MYO1F: variants seen among roughly 807,000 people sequenced by gnomAD.
The protein encoded by MYO1F is myosin IF, also known as unconventional myosin-If.
A neutral mutation model predicts 146.6 loss-of-function variants in MYO1F; 60 were observed. The ratio of observed to expected loss-of-function variants is 0.41; its 90% CI spans 0.33 to 0.51. MYO1F has a LOEUF of 0.51. Among genes scored for constraint, MYO1F ranks in the 20% least tolerant of loss-of-function variants. The pLI, the probability that MYO1F is intolerant of heterozygous loss-of-function variation, is 0.25. For synonymous variants in MYO1F, 602 were observed against 602.1 expected, an observed-to-expected ratio of 1.00 and a Z score of 0.00; for missense variants, 1,274 against 1,534.3, an observed-to-expected ratio of 0.83 and a Z score of 2.83.
At chr19:8,555,942 G>A (rs1973834745) in intron 1 of MYO1F, 146 bp from the exon 2 acceptor site, 1 of 821,176 alleles carries the variant, frequency 1.2e-6, no homozygotes, top group Non-Finnish European at 1.9e-6. Context: ...GGCTGGCAGG[G>A]TCCAAGCCAG....
In MYO1F at chr19:8,554,563, A is replaced by G; in HGVS notation, c.240T>C (p.Tyr80=). The G allele has an allele frequency of 3.7e-6, 6 of 1,610,672 alleles. No homozygotes were observed. Among genetic ancestry groups the G allele is most frequent in the Non-Finnish European group, 5.1e-6 (6 of 1,176,970 alleles). Residue 80 remains tyrosine (Y), a synonymous_variant, in exon 4 of 28, where the codon TAT becomes TAC. Coordinates refer to ENST00000644032, the MANE Select transcript of MYO1F (RefSeq NM_012335.4). The stretch of plus-strand genomic sequence containing the variant: ...GGGCGTAGATGTGCGGGGGATTCTC[A>G]TACTGGGCCTGGCAGGGGAGGTCAG... ...EIDLYQGAAQ[Y]ENPPHIYALT...
intron 14 of MYO1F, among the ~76,000 whole-genome samples, chr19:8,542,516 T>G (rs796835817): frequency 2.6e-5 from 4 of 151,914 alleles, no homozygotes; most frequent in African/African-American, 9.7e-5. Flanking sequence ...TACCAAAGGT[T>G]AGGGCCCTCT....
At chr19:8,523,851 T>C (rs1972157520) in intron 25 of MYO1F, among the ~76,000 whole-genome samples, 1 of 152,116 alleles carries the variant, frequency 6.6e-6, no homozygotes, top group African/African-American at 2.4e-5. Context: ...CTAGGCGCGG[T>C]GGCTCACGCC....
intron 14 of MYO1F, among the ~76,000 whole-genome samples, chr19:8,542,816 G>A (rs1199488201): frequency 6.6e-6 from 1 of 151,074 alleles, no homozygotes; most frequent in Non-Finnish European, 1.5e-5. Flanking sequence ...TGTTAGCCAG[G>A]ATGGTCTCGA....
At chr19:8,555,549 G>A in intron 2 of MYO1F, 110 bp downstream of exon 2, 1 of 1,471,180 alleles carries the variant, frequency 6.8e-7, no homozygotes, top group Non-Finnish European at 9.4e-7. Flanking sequence ...GTCACCACTT[G>A]GTGCTCTCCC....
intron 1 of MYO1F, among the ~76,000 whole-genome samples, chr19:8,572,035 G>C (rs1226271345): frequency 1.3e-5 from 2 of 152,116 alleles, no homozygotes; most frequent in Non-Finnish European, 2.9e-5. Context: ...TATACGTGGG[G>C]ACCCTTGTCT....
At chr19:8,546,214 G>A (rs1973350214) in intron 12 of MYO1F, among the ~76,000 whole-genome samples, 1 of 151,600 alleles carries the variant, frequency 6.6e-6, no homozygotes, top group Non-Finnish European at 1.5e-5. Flanking sequence ...ACAGGTATGT[G>A]CCACCACGCC....
Position 8,573,823 on chromosome 19 carries a change from C to T in MYO1F, c.3+3484G>A, listed in dbSNP as rs961439368. Among the ~76,000 whole-genome samples, 15 of 151,960 alleles carry T rather than the reference C, an allele frequency of 9.9e-5. No individual in the cohort carries two copies. The East Asian group carries it at 1.9e-3, about 20-fold the overall frequency. On this transcript the variant is annotated intron_variant, in intron 1 of 27. Transcript: ENST00000644032. Reference sequence around the variant, plus strand: ...CGAGATTGCACCACTGCACTCCAGCCGGGGTGACAGAGCGAGACTCTGTCT... The same window carrying T: ...CGAGATTGCACCACTGCACTCCAGCTGGGGTGACAGAGCGAGACTCTGTCT...
At chr19:8,538,349 C>T (rs1972818221) in intron 16 of MYO1F, among the ~76,000 whole-genome samples, 3 of 151,910 alleles carry the variant, frequency 2.0e-5, no homozygotes, top group South Asian at 4.2e-4. Context: ...GGCTGGAGTG[C>T]AGTGGCTCTT....
At chr19:8,553,912 TCTCTCTCTCTCG>T (rs1973728610) in intron 4 of MYO1F, among the ~76,000 whole-genome samples, 1 of 132,680 alleles carries the variant, frequency 7.5e-6, no homozygotes, top group African/African-American at 2.7e-5. Context: ...TCTCTCTCTC[TCTCTCTCTCTCG>T]CTCTCTTTCT....
intron 1 of MYO1F, among the ~76,000 whole-genome samples, chr19:8,564,362 C>G (rs962451768): frequency 6.6e-5 from 10 of 152,078 alleles, no homozygotes; most frequent in Non-Finnish European, 1.3e-4. Flanking sequence ...GCCTGGGCGA[C>G]AGGAGTGAAA....
chr19:8,522,510 C>G lies in MYO1F; in HGVS notation c.3087G>C (p.Val1029=). The G allele has an allele frequency of 6.2e-7, 1 of 1,613,536 alleles. No individual in the cohort carries two copies. The highest frequency in any genetic ancestry group is 1.3e-5 in the African/African-American group (1 of 75,060). Residue 1029 remains valine (V), a synonymous_variant, in exon 27 of 28, where the codon GTG becomes GTC. Transcript: ENST00000644032. Reference sequence around the variant, plus strand: ...GGGGCTTGGGTCGGCCCACACCAGGCACTGGCCGTTGCCCCACGCTGCGCT... The same window carrying G: ...GGGGCTTGGGTCGGCCCACACCAGGGACTGGCCGTTGCCCCACGCTGCGCT... ...QRKRSVGQRP[V]PGVGRPKPQP...
In MYO1F at chr19:8,522,809, G is replaced by T. The variant is rs776630100; in HGVS notation, c.2875C>A (p.Pro959Thr). 8 of 1,579,034 alleles carry T rather than the reference G, an allele frequency of 5.1e-6. No homozygotes were observed. In the Admixed American group the frequency reaches 1.3e-4, roughly 25 times the overall value. ...PPRGMDRNGV[P>T]PSARGGPLPL... ...AGGGGGCCCCCTCTGGCAGAGGGGG[G>T]CACCCCATTGCGATCCATGCCTGTG... Residue 959 changes from proline (P) to threonine (T), a missense_variant, in exon 26 of 28, where the codon CCC becomes ACC. By Grantham distance (38) the Pro-to-Thr change is conservative (BLOSUM62 -1). Coordinates refer to ENST00000644032, the MANE Select transcript of MYO1F (RefSeq NM_012335.4).
At chr19:8,554,402 A>G (rs1973754877) in intron 4 of MYO1F, 75 bp downstream of exon 4, 8 of 1,303,376 alleles carry the variant, frequency 6.1e-6, no homozygotes, top group East Asian at 2.3e-5. Context: ...GTTTCAGGCA[A>G]ACCTCCCTGG....
intron 15 of MYO1F, among the ~76,000 whole-genome samples, chr19:8,541,348 T>C (rs994859451): frequency 1.3e-5 from 2 of 151,384 alleles, no homozygotes; most frequent in Non-Finnish European, 2.9e-5. Context: ...AAGAACCACA[T>C]GTCAAACACT....
intron 1 of MYO1F, among the ~76,000 whole-genome samples, chr19:8,573,916 C>T (rs989438679): frequency 1.1e-4 from 16 of 152,126 alleles, no homozygotes; most frequent in African/African-American, 3.9e-4. Flanking sequence ...CTACCATTAG[C>T]AACCACAGAA....
At position 8,537,207 on chromosome 19, in the gene MYO1F, G is replaced by T. The variant is rs7247517; in HGVS notation, c.1693-152C>A. On this transcript the variant is annotated intron_variant, in intron 16 of 27. Transcript: ENST00000644032. ...AAGCCACAGGGGCCAGATGTCCCTGGTCTGTGTGCACCTCCACTAGTGCAC... is the reference window on the plus strand; with the variant it reads ...AAGCCACAGGGGCCAGATGTCCCTGTTCTGTGTGCACCTCCACTAGTGCAC... 19,754 of 649,264 alleles carry T rather than the reference G, an allele frequency of 0.03. 1,408 individuals carry two copies. Among genetic ancestry groups the T allele is most frequent in the African/African-American group, 0.21 (11,757 of 55,870 alleles). The allele number at this position is 649,264 out of a possible 1,614,324, so 40.2% of individuals were successfully genotyped here. A position where few individuals can be genotyped will look rare whatever the true frequency, so the allele number is the denominator to read the frequency against.
intron 6 of MYO1F, among the ~76,000 whole-genome samples, chr19:8,552,450 T>G (rs1414040098): frequency 2.6e-5 from 4 of 152,000 alleles, no homozygotes. Context: ...GCAGAGCTAA[T>G]TTTTGTATTT....
rs1265654939 is a variant in MYO1F, at chr19:8,541,926, C to T, written c.1590G>A (p.Glu530=). The change falls in exon 15 of 28, where the codon GAG becomes GAA. Residue 530 remains glutamate, a synonymous_variant. Transcript: ENST00000644032. ...CTCACTGCTCACTGGTCTGCATCAG[C>T]TCTATGAGGTCGGAGAAGAGAACGT... is the stretch of plus-strand genomic sequence containing the variant. ...NRDVLFSDLI[E]LMQTSEQAFL... The T allele has an allele frequency of 1.1e-5, 18 of 1,613,600 alleles. No homozygotes were observed. Among genetic ancestry groups the T allele is most frequent in the Non-Finnish European group, 1.4e-5 (17 of 1,179,972 alleles).
Sources: allele counts gnomAD v4.1 joint callset (sites outside exome capture counted in the v4.1 genomes callset), GRCh38; gene constraint gnomAD v4.1.1; transcripts MANE v1.5; gene names NCBI Gene and HGNC (gene_info 2026-07-23, HGNC 2026-07-21).